Variants in CCDC81 observed in about 807,000 individuals in gnomAD.
CCDC81 encodes coiled-coil domain-containing protein 81.
CCDC81 carries 79 observed loss-of-function variants against 83.7 expected under a neutral mutation model. That is an observed-to-expected ratio of 0.94 (90% CI 0.79 to 1.14). The LOEUF (loss-of-function observed/expected upper bound fraction) is 1.14. Ranked by LOEUF, CCDC81 falls within the 50% of genes most tolerant of loss-of-function variation. The pLI is 0.00. For missense variants in CCDC81, 791 were observed against 778.1 expected, an observed-to-expected ratio of 1.02 and a Z score of -0.20; for synonymous variants, 252 against 278.1, an observed-to-expected ratio of 0.91 and a Z score of 0.93.
chr11:86,377,076 C>T (rs763750258), intron 1 of CCDC81, among the ~76,000 whole-genome samples: 1 of 152,092 alleles, frequency 6.6e-6, no homozygotes, highest in Non-Finnish European at 1.5e-5. Context: ...TTTCACTTAG[C>T]AATATGCATT....
At chr11:86,408,009 T>A in intron 8 of CCDC81, 118 bp from the exon 9 acceptor site, 1 of 962,266 alleles carries the variant, frequency 1.0e-6, no homozygotes, top group Non-Finnish European at 1.5e-6. Flanking sequence ...CTGTCACTAA[T>A]ATATCCATTA....
Position 86,415,168 on chromosome 11 carries a change from G to C in CCDC81, c.1546G>C (p.Glu516Gln), listed in dbSNP as rs1399701790. The change falls in exon 13 of 15, where the codon GAA (glutamate) becomes CAA (glutamine). Residue 516 changes from glutamate (E) to glutamine (Q), a missense_variant. Transcript: ENST00000445632. ...SEPIFGKNEG[E>Q]LMVEKQKREQ... ...GCCCATCTTTGGTAAGAATGAGGGT[G>C]AACTGATGGTGGAAAAGCAAAAGCG... 6.2e-7 allele frequency: 1 copy of C among 1,614,182 alleles called. No individual in the cohort carries two copies. Among genetic ancestry groups the C allele is most frequent in the South Asian group, 1.1e-5 (1 of 91,078 alleles).
intron 4 of CCDC81, 121 bp from the exon 5 acceptor site, chr11:86,395,213 T>A (rs1298377431): frequency 2.9e-6 from 2 of 695,588 alleles, no homozygotes; most frequent in African/African-American, 3.6e-5. Flanking sequence ...TTATAAGCGC[T>A]TAACATAAAC....
chr11:86,422,880 T>A lies in CCDC81; in HGVS notation c.*165T>A, dbSNP rs1347259986. 8 of 663,774 alleles carry A rather than the reference T, an allele frequency of 1.2e-5. No individual in the cohort carries two copies. The Admixed American group carries it at 2.1e-4, about 17-fold the overall frequency. 41.1% of individuals were successfully genotyped at this position (663,774 alleles called of 1,614,324 possible). On this transcript the variant is annotated 3_prime_UTR_variant, in exon 15 of 15. Coordinates refer to ENST00000445632, the MANE Select transcript of CCDC81 (RefSeq NM_001156474.2). ...AGCCCTTATTGAATTCACTCCTGCT[T>A]TCCTCCCACCCCCAATTATTTCCTA...
intron 7 of CCDC81, 38 bp downstream of exon 7, chr11:86,400,839 T>C (rs781034679): frequency 4.1e-5 from 63 of 1,552,210 alleles, no homozygotes; most frequent in Non-Finnish European, 5.0e-5. Flanking sequence ...TGTACTTTAC[T>C]AAATATATTT....
intron 10 of CCDC81, among the ~76,000 whole-genome samples, chr11:86,410,752 T>G (rs1565769358): frequency 6.6e-6 from 1 of 152,256 alleles, no homozygotes. Context: ...CCTTTCTGTC[T>G]TCTCATGTTA....
At chr11:86,402,354 T>C (rs1948504406) in intron 7 of CCDC81, among the ~76,000 whole-genome samples, 2 of 152,148 alleles carry the variant, frequency 1.3e-5, no homozygotes. Context: ...ACACTTGGAA[T>C]ATACACAGTT....
intron 3 of CCDC81, among the ~76,000 whole-genome samples, chr11:86,392,087 T>C (rs771478415): frequency 3.3e-5 from 5 of 152,266 alleles, no homozygotes; most frequent in East Asian, 1.9e-4. Context: ...CACCTCCCAA[T>C]AGGCCCCACC....
intron 8 of CCDC81, 118 bp from the exon 9 acceptor site, chr11:86,408,009 T>C (rs1184392211): frequency 1.0e-6 from 1 of 962,148 alleles, no homozygotes; most frequent in African/African-American, 1.7e-5. Flanking sequence ...CTGTCACTAA[T>C]ATATCCATTA....
chr11:86,406,874 T>C (rs1396329296), intron 7 of CCDC81, among the ~76,000 whole-genome samples: 2 of 152,142 alleles, frequency 1.3e-5, no homozygotes, highest in Non-Finnish European at 2.9e-5. Context: ...TTTTAGGTGA[T>C]ACTATCTGTC....
rs2138539695 is a variant in CCDC81, at chr11:86,415,110, T to C, written c.1488T>C (p.Ser496=). The change falls in exon 13 of 15, where the codon TCT becomes TCC. Residue 496 remains serine (S), a synonymous_variant. Transcript: ENST00000445632. The stretch of plus-strand genomic sequence containing the variant: ...TGTTTAAGATAAAGAACAAACCCTC[T>C]CGGCTGCCCCCCTTTGAGCCAGACT... ...ALDAQIKNKP[S]RLPPFEPDSS... is the part of the protein sequence containing the mutation. 1.2e-6 allele frequency: 2 copies of C among 1,614,156 alleles called. No homozygotes were observed. The highest frequency in any genetic ancestry group is 1.7e-6 in the Non-Finnish European group (2 of 1,180,022).
At chr11:86,409,821 G>A (rs886733518) in intron 10 of CCDC81, among the ~76,000 whole-genome samples, 2 of 152,176 alleles carry the variant, frequency 1.3e-5, no homozygotes, top group Admixed American at 6.5e-5. Flanking sequence ...TCTAGGGCAG[G>A]TGTTGTCCAG....
intron 1 of CCDC81, among the ~76,000 whole-genome samples, chr11:86,383,940 G>A (rs142532907): frequency 4.8e-4 from 73 of 152,300 alleles, no homozygotes; most frequent in African/African-American, 1.7e-3. Context: ...GAATAAAACA[G>A]TACAGTGGGC....
At chr11:86,394,411 G>C (rs576074710) in intron 4 of CCDC81, among the ~76,000 whole-genome samples, 1 of 152,334 alleles carries the variant, frequency 6.6e-6, no homozygotes, top group Admixed American at 6.5e-5. Context: ...CATGTTAAAG[G>C]AGCTGAGAAG....
chr11:86,406,392 T>C (rs994308666), intron 7 of CCDC81, among the ~76,000 whole-genome samples: 2 of 152,248 alleles, frequency 1.3e-5, no homozygotes, highest in Non-Finnish European at 2.9e-5. Context: ...TCTGGAAAAT[T>C]CTTATCTGTT....
chr11:86,405,868 T>G (rs1312676514), intron 7 of CCDC81, among the ~76,000 whole-genome samples: 1 of 150,700 alleles, frequency 6.6e-6, no homozygotes, highest in African/African-American at 2.4e-5. Context: ...GCTCAACCAA[T>G]TCTCCTGCTT....
chr11:86,390,334 T>C (rs960092925), intron 3 of CCDC81, among the ~76,000 whole-genome samples: 7 of 152,160 alleles, frequency 4.6e-5, no homozygotes, highest in Non-Finnish European at 8.8e-5. Context: ...ATGAAGCCTG[T>C]TAAGGAAGTA....
At chr11:86,383,406 G>T (rs1047805164) in intron 1 of CCDC81, among the ~76,000 whole-genome samples, 1 of 152,114 alleles carries the variant, frequency 6.6e-6, no homozygotes, top group Non-Finnish European at 1.5e-5. Context: ...ATATAGTATT[G>T]TATAATTTAC....
intron 7 of CCDC81, among the ~76,000 whole-genome samples, chr11:86,402,932 G>A (rs1401718140): frequency 1.3e-5 from 2 of 151,890 alleles, no homozygotes; most frequent in African/African-American, 4.8e-5. Flanking sequence ...TCAACCTGCT[G>A]GGCTCAAGTG....
Sources: allele counts gnomAD v4.1 joint callset (sites outside exome capture counted in the v4.1 genomes callset), GRCh38; gene constraint gnomAD v4.1.1; transcripts MANE v1.5; gene names NCBI Gene and HGNC (gene_info 2026-07-23, HGNC 2026-07-21).